Variants in MGAT5 observed in about 807,000 individuals in gnomAD.
MGAT5 encodes the protein alpha-1,6-mannosylglycoprotein 6-beta-N-acetylglucosaminyltransferase, also known as alpha-1,6-mannosylglycoprotein 6-beta-N-acetylglucosaminyltransferase A.
MGAT5 carries 30 observed loss-of-function variants against 94.3 expected under a neutral mutation model. The ratio of observed to expected loss-of-function variants is 0.32; its 90% CI spans 0.24 to 0.43. The LOEUF is 0.43. Ranked by LOEUF, MGAT5 falls within the 20% of genes least tolerant of loss-of-function variation. The pLI is 1.00. For missense variants in MGAT5, 691 were observed against 905.5 expected (o/e 0.76, Z 3.04); for synonymous variants, 310 against 322.9 (o/e 0.96, Z 0.43).
At chr2:134,244,944 C>T (rs933648747) in intron 1 of MGAT5, among the ~76,000 whole-genome samples, 2 of 152,148 alleles carry the variant, frequency 1.3e-5, no homozygotes, top group African/African-American at 4.8e-5. Flanking sequence ...GATTGAGAAA[C>T]ATTGGATTAA....
chr2:134,440,347 G>A (rs532978137), intron 14 of MGAT5, among the ~76,000 whole-genome samples: 2 of 152,244 alleles, frequency 1.3e-5, no homozygotes, highest in South Asian at 2.1e-4. Context: ...ATTCCTGGTC[G>A]GGCCCACTGT....
Position 134,345,003 on chromosome 2 carries a change from A to G in MGAT5, c.1051A>G (p.Ile351Val). Residue 351 changes from isoleucine (I) to valine (V), a missense_variant, in exon 8 of 16, where the codon ATT becomes GTT. Coordinates refer to ENST00000281923, the MANE Select transcript of MGAT5 (RefSeq NM_002410.5). ...AGACAGAATTGTTGAGCTCATTTAC[A>G]TTGATATTGTAGGACTTGCTCAATT... ...VGDRIVELIY[I>V]DIVGLAQFKK... is the part of the protein sequence containing the mutation. 1 of 1,613,656 alleles carries G rather than the reference A, an allele frequency of 6.2e-7. No individual in the cohort carries two copies. The highest frequency in any genetic ancestry group is 1.1e-5 in the South Asian group (1 of 91,054).
intron 1 of MGAT5, among the ~76,000 whole-genome samples, chr2:134,169,387 TACACACAC>T: frequency 7.2e-6 from 1 of 138,770 alleles, no homozygotes; most frequent in South Asian, 2.3e-4. Context: ...AATTTAAAAA[TACACACAC>T]ACACACACAC....
At chr2:134,177,338 G>T (rs1034139256) in intron 1 of MGAT5, among the ~76,000 whole-genome samples, 13 of 152,138 alleles carry the variant, frequency 8.5e-5, no homozygotes, top group Non-Finnish European at 1.8e-4. Context: ...TCATCCTGCT[G>T]TAACTGTCAT....
chr2:134,207,962 G>A (rs932534186), intron 1 of MGAT5, among the ~76,000 whole-genome samples: 1 of 152,152 alleles, frequency 6.6e-6, no homozygotes, highest in Admixed American at 6.5e-5. Context: ...ACACCTGATT[G>A]GAAGGTGAAA....
chr2:134,229,488 G>C lies in MGAT5; in HGVS notation c.-142-24774G>C, dbSNP rs145684630. ...TAATCAGCTAAATAAGATCTTTGCC[G>C]TGTTTATTTTATATTTGTAAAAGTC... is the stretch of plus-strand genomic sequence containing the variant. On this transcript the variant is annotated intron_variant, in intron 1 of 16. Transcript: ENST00000409645. Among the ~76,000 whole-genome samples, 1,127 of 152,162 alleles carry C rather than the reference G, an allele frequency of 7.4e-3. 12 individuals are homozygous for C. The highest frequency in any genetic ancestry group is 0.033 in the East Asian group (171 of 5,182).
At chr2:134,359,150 T>C (rs1039117780) in intron 9 of MGAT5, among the ~76,000 whole-genome samples, 1 of 152,202 alleles carries the variant, frequency 6.6e-6, no homozygotes, top group Non-Finnish European at 1.5e-5. Context: ...CCCACATACA[T>C]ATGGCACAAG....
At chr2:134,418,993 T>C (rs1684131499) in intron 12 of MGAT5, among the ~76,000 whole-genome samples, 1 of 152,254 alleles carries the variant, frequency 6.6e-6, no homozygotes, top group African/African-American at 2.4e-5. Context: ...GGAAAAGAGC[T>C]GTCAACAGGT....
chr2:134,313,081 CACACACACACAT>C (rs1204697834), intron 2 of MGAT5, among the ~76,000 whole-genome samples: 133 of 68,204 alleles, frequency 2.0e-3, no homozygotes, highest in East Asian at 5.9e-3. Context: ...CACACACACA[CACACACACACAT>C]ATCTGTCTGG....
intron 1 of MGAT5, among the ~76,000 whole-genome samples, chr2:134,247,027 C>G (rs1025545345): frequency 1.3e-5 from 2 of 152,056 alleles, no homozygotes; most frequent in Non-Finnish European, 2.9e-5. Context: ...AGGTTAGCAC[C>G]CAGTTGATTT....
chr2:134,229,603 A>G (rs1297527255), intron 1 of MGAT5, among the ~76,000 whole-genome samples: 1 of 152,252 alleles, frequency 6.6e-6, no homozygotes, highest in Non-Finnish European at 1.5e-5. Flanking sequence ...AAATGGAGAT[A>G]TGATTTGTTA....
At chr2:134,360,025 C>G (rs1679983522) in intron 9 of MGAT5, among the ~76,000 whole-genome samples, 1 of 152,162 alleles carries the variant, frequency 6.6e-6, no homozygotes, top group African/African-American at 2.4e-5. Flanking sequence ...GAGGTCAGAC[C>G]AGTGCTCAGG....
chr2:134,311,759 T>C (rs1047479589), intron 2 of MGAT5, among the ~76,000 whole-genome samples: 2 of 152,100 alleles, frequency 1.3e-5, no homozygotes, highest in African/African-American at 4.8e-5. Context: ...AAAACTTTGT[T>C]TGTAGTAAGT....
chr2:134,168,177 C>G (rs1349638285), intron 1 of MGAT5, among the ~76,000 whole-genome samples: 1 of 152,122 alleles, frequency 6.6e-6, no homozygotes, highest in Non-Finnish European at 1.5e-5. Flanking sequence ...GCGCACTGAC[C>G]CTGGTGCCAC....
chr2:134,260,088 G>A (rs1295869290), intron 1 of MGAT5, among the ~76,000 whole-genome samples: 1 of 152,200 alleles, frequency 6.6e-6, no homozygotes, highest in African/African-American at 2.4e-5. Flanking sequence ...GCCTACTCCA[G>A]GGTAGAAGGG....
At chr2:134,306,276 A>T (rs910082702) in intron 2 of MGAT5, among the ~76,000 whole-genome samples, 1 of 147,662 alleles carries the variant, frequency 6.8e-6, no homozygotes, top group Non-Finnish European at 1.5e-5. Context: ...AAATGAATAC[A>T]TGCAGAGTTT....
rs886414583 is a variant in MGAT5 at position 134,453,317 on chromosome 2, C to G, written c.*4470C>G. The G allele has an allele frequency of 2.0e-5, 3 of 152,158 alleles. No individual in the cohort carries two copies. Among genetic ancestry groups the G allele is most frequent in the Admixed American group, 6.5e-5 (1 of 15,280 alleles). 9.4% of individuals were successfully genotyped at this position (152,158 alleles called of 1,614,324 possible). ...TTGAAAATATGCCAGACTTCAGCCCCCAAGGAAACAAGGCTGCAAGAATTT... is the reference window on the plus strand; with the variant it reads ...TTGAAAATATGCCAGACTTCAGCCCGCAAGGAAACAAGGCTGCAAGAATTT... On this transcript the variant is annotated 3_prime_UTR_variant, in exon 16 of 16. Transcript: ENST00000281923.
intron 1 of MGAT5, among the ~76,000 whole-genome samples, chr2:134,246,731 G>C (rs1053514451): frequency 4.6e-5 from 7 of 152,220 alleles, no homozygotes; most frequent in African/African-American, 1.4e-4. Flanking sequence ...GACTCAGCTT[G>C]GTTTGGCGGA....
chr2:134,243,957 A>G (rs1309622757), intron 1 of MGAT5, among the ~76,000 whole-genome samples: 1 of 152,052 alleles, frequency 6.6e-6, no homozygotes, highest in African/African-American at 2.4e-5. Flanking sequence ...AAGTGTGGTG[A>G]TTTTTGTGAT....
Sources: gnomAD v4.1 joint callset for allele counts (sites outside exome capture counted in the v4.1 genomes callset) on GRCh38, gnomAD v4.1.1 for gene constraint, MANE v1.5 for transcripts, NCBI Gene and HGNC (gene_info 2026-07-23, HGNC 2026-07-21) for gene names.